MYO18B: variants seen among roughly 807,000 people sequenced by gnomAD.
MYO18B encodes the protein myosin XVIIIB.
MYO18B carries 204 observed loss-of-function variants against 273.0 expected under a neutral mutation model. That is an observed-to-expected ratio of 0.75 (90% CI 0.67 to 0.84). The LOEUF is 0.84. MYO18B is among the 40% of genes least tolerant of loss of function. The pLI, the probability that MYO18B is intolerant of heterozygous loss-of-function variation, is 0.00. For synonymous variants in MYO18B, 1,330 were observed against 1,305.7 expected (o/e 1.02, Z -0.40); for missense variants, 3,212 against 3,287.6 (o/e 0.98, Z 0.56).
chr22:26,047,783 A>G, the MYO18B span, among the ~76,000 whole-genome samples: 1 of 152,332 alleles, frequency 6.6e-6, no homozygotes, highest in South Asian at 2.1e-4. Flanking sequence ...TTGGTTATTT[A>G]TATTCTTTTG....
In MYO18B at chr22:25,761,861, C is replaced by T. The variant is rs133880; in HGVS notation, c.39+730C>T. ...TCTCTTGGCCAGGCGTGGTGGCTCA[C>T]GCCTGTAATCCCAGTACTTTGGGAG... On this transcript the variant is annotated intron_variant, in intron 2 of 43. Coordinates refer to ENST00000335473, the MANE Select transcript of MYO18B (RefSeq NM_032608.7). Among the ~76,000 whole-genome samples the T allele has an allele frequency of 4.9e-3, 746 of 152,206 alleles. 11 individuals are homozygous for T. The highest frequency in any genetic ancestry group is 0.017 in the African/African-American group (704 of 41,508).
At chr22:25,762,826 A>C (rs1410423205) in intron 2 of MYO18B, among the ~76,000 whole-genome samples, 1 of 152,264 alleles carries the variant, frequency 6.6e-6, no homozygotes, top group African/African-American at 2.4e-5. Flanking sequence ...GAGGGGGACC[A>C]GGAGAGCGTG....
rs779118553 is a variant in MYO18B, at chr22:25,771,035, AC to A, written c.1692+55del. ...CAGCATGAGTCCCCTGTCCCACTTC[AC>A]CCCAGCTCCATACCCTCCTTCCCCA... On this transcript the variant is annotated intron_variant, in intron 6 of 43. Coordinates refer to ENST00000335473, the MANE Select transcript of MYO18B (RefSeq NM_032608.7). 3.2e-5 allele frequency: 41 copies of A among 1,270,136 alleles called. 2 individuals carry two copies. In the Middle Eastern group the frequency reaches 1.2e-3, roughly 36 times the overall value. The allele number at this position is 1,270,136 out of a possible 1,614,324, so 78.7% of individuals were successfully genotyped here.
At chr22:25,773,641 T>G (rs1015593141) in intron 7 of MYO18B, among the ~76,000 whole-genome samples, 2 of 152,078 alleles carry the variant, frequency 1.3e-5, no homozygotes, top group Admixed American at 6.6e-5. Flanking sequence ...TTTTTTGTAT[T>G]TTTAGTAGAG....
At chr22:26,045,567 C>T in the MYO18B span, among the ~76,000 whole-genome samples, 1 of 152,150 alleles carries the variant, frequency 6.6e-6, no homozygotes, top group Admixed American at 6.5e-5. Context: ...AGGAATCAAG[C>T]ATTGGGCAGA....
At position 25,768,472 on chromosome 22, in the gene MYO18B, G is replaced by A; in HGVS notation, c.556G>A (p.Asp186Asn). The A allele has an allele frequency of 6.2e-7, 1 of 1,609,898 alleles. No individual in the cohort carries two copies. The highest frequency in any genetic ancestry group is 1.1e-5 in the South Asian group (1 of 90,354). ...PPCKTSPPAT[D>N]TGKEKKGETS... The stretch of plus-strand genomic sequence containing the variant: ...TTGCAAGACCTCTCCCCCCGCCACA[G>A]ATACTGGAAAGGAAAAGAAAGGGGA... Residue 186 changes from aspartate (D) to asparagine (N), a missense_variant, in exon 4 of 44, where the codon GAT (aspartate) becomes AAT (asparagine). Asp to Asn is a conservative substitution (Grantham distance 23). Coordinates refer to ENST00000335473, the MANE Select transcript of MYO18B (RefSeq NM_032608.7).
At chr22:25,847,281 A>C (rs775889567) in intron 19 of MYO18B, 149 bp from the exon 20 acceptor site, 1 of 633,590 alleles carries the variant, frequency 1.6e-6, no homozygotes. Flanking sequence ...CATGAGCACA[A>C]ATCAGGCTGT....
Position 26,003,317 on chromosome 22 carries a change from A to G in MYO18B, c.6332+8A>G. 2 of 1,603,936 alleles carry G rather than the reference A, an allele frequency of 1.2e-6. No homozygotes were observed. Among genetic ancestry groups the G allele is most frequent in the African/African-American group, 2.7e-5 (2 of 74,882 alleles). ...CAGCGGCCGAAAAGAGATGTAAGTTAACCCCAGGTAGAACTGAGCAGCTCA... is the reference window on the plus strand; with the variant it reads ...CAGCGGCCGAAAAGAGATGTAAGTTGACCCCAGGTAGAACTGAGCAGCTCA... On this transcript the variant is annotated splice_region_variant and intron_variant, in intron 41 of 43. Coordinates refer to ENST00000335473, the MANE Select transcript of MYO18B (RefSeq NM_032608.7).
chr22:25,887,163 G>A (rs1166651661), intron 25 of MYO18B, among the ~76,000 whole-genome samples: 5 of 152,172 alleles, frequency 3.3e-5, no homozygotes, highest in Admixed American at 1.3e-4. Flanking sequence ...GCCAAGACCC[G>A]TGTGTGCCCC....
rs745735060 is a variant in MYO18B, at chr22:26,026,592, G to A, written c.6618G>A (p.Gly2206=). ...FVRRQKYCHF[G]DGEVLAVQRK... ...GCCGGCAAAAGTACTGTCATTTTGGGGACGGCGAAGTGCTTGCCGTCCAGA... is the reference window on the plus strand; with the variant it reads ...GCCGGCAAAAGTACTGTCATTTTGGAGACGGCGAAGTGCTTGCCGTCCAGA... Residue 2206 remains glycine (G), a synonymous_variant, in exon 43 of 44, where the codon GGG becomes GGA. Transcript: ENST00000335473. The A allele has an allele frequency of 1.9e-6, 3 of 1,613,796 alleles. No homozygotes were observed. Among genetic ancestry groups the A allele is most frequent in the Non-Finnish European group, 8.5e-7 (1 of 1,179,870 alleles).
intron 34 of MYO18B, among the ~76,000 whole-genome samples, chr22:25,924,766 G>T (rs1601589563): frequency 6.6e-6 from 1 of 152,166 alleles, no homozygotes; most frequent in East Asian, 1.9e-4. Flanking sequence ...GGATTGTGGA[G>T]GGTATGAGGG....
intron 39 of MYO18B, among the ~76,000 whole-genome samples, chr22:25,960,744 C>A (rs1262903186): frequency 6.6e-6 from 1 of 152,196 alleles, no homozygotes; most frequent in Non-Finnish European, 1.5e-5. Context: ...CCAGTCTGGG[C>A]TTCTATAGTG....
chr22:25,880,487 T>A (rs1169877256), intron 25 of MYO18B, among the ~76,000 whole-genome samples: 1 of 152,244 alleles, frequency 6.6e-6, no homozygotes, highest in African/African-American at 2.4e-5. Context: ...CCTTACATGT[T>A]GCACCCTAGG....
chr22:25,805,197 C>T (rs904018547), intron 12 of MYO18B, among the ~76,000 whole-genome samples: 11 of 152,154 alleles, frequency 7.2e-5, no homozygotes, highest in African/African-American at 1.7e-4. Flanking sequence ...GCATCCCATT[C>T]GCTCCTCCAG....
Position 25,835,366 on chromosome 22 carries a change from A to G in MYO18B, c.3131A>G (p.His1044Arg), listed in dbSNP as rs377045010. 6 of 1,613,988 alleles carry G rather than the reference A, an allele frequency of 3.7e-6. No homozygotes were observed. The highest frequency in any genetic ancestry group is 1.3e-5 in the African/African-American group (1 of 75,048). Reference sequence around the variant, plus strand: ...TTCTGGGTCTTAGATGAGGAAGTCCATGTAGAGGGCTCCAGTGACAGTGTG... The same window carrying G: ...TTCTGGGTCTTAGATGAGGAAGTCCGTGTAGAGGGCTCCAGTGACAGTGTG... ...GLFWVLDEEV[H>R]VEGSSDSVVL... Residue 1044 changes from histidine (H) to arginine (R), a missense_variant, in exon 17 of 44, where the codon CAT (histidine) becomes CGT (arginine). Coordinates refer to ENST00000335473, the MANE Select transcript of MYO18B (RefSeq NM_032608.7).
In MYO18B at chr22:25,843,719, C is replaced by T. The variant is rs754094666; in HGVS notation, c.3209-16C>T. 1.6e-5 allele frequency: 25 copies of T among 1,608,940 alleles called. No homozygotes were observed. Among genetic ancestry groups the T allele is most frequent in the Admixed American group, 1.2e-4 (7 of 59,834 alleles). On this transcript the variant is annotated splice_polypyrimidine_tract_variant and intron_variant, in intron 17 of 43. Coordinates refer to ENST00000335473, the MANE Select transcript of MYO18B (RefSeq NM_032608.7). ...TCAACAGGCTCCAGCACTCATGCCA[C>T]CATGTCTGTTTCCAGGGTCCTCTGC... is the stretch of plus-strand genomic sequence containing the variant.
At chr22:25,808,762 A>G (rs534022142) in intron 12 of MYO18B, among the ~76,000 whole-genome samples, 1 of 152,288 alleles carries the variant, frequency 6.6e-6, no homozygotes, top group East Asian at 1.9e-4. Context: ...GTGAGACTCA[A>G]TGTCCTCATC....
intron 17 of MYO18B, among the ~76,000 whole-genome samples, chr22:25,842,271 C>T (rs117542329): frequency 6.6e-6 from 1 of 152,196 alleles, no homozygotes; most frequent in Admixed American, 6.5e-5. Context: ...GGGGAAGACT[C>T]AGGACCCTAG....
At chr22:25,890,033 A>T (rs2091614442) in intron 25 of MYO18B, among the ~76,000 whole-genome samples, 1 of 152,244 alleles carries the variant, frequency 6.6e-6, no homozygotes, top group Admixed American at 6.5e-5. Context: ...TGTTGCAACA[A>T]CACCTATTTG....
Sources: gnomAD v4.1 joint callset for allele counts (sites outside exome capture counted in the v4.1 genomes callset) on GRCh38, gnomAD v4.1.1 for gene constraint, MANE v1.5 for transcripts, NCBI Gene and HGNC (gene_info 2026-07-23, HGNC 2026-07-21) for gene names.